Variants in IGLON5 observed in about 807,000 individuals in gnomAD.
IGLON5 encodes the protein IgLON family member 5.
A neutral mutation model predicts 38.2 loss-of-function variants in IGLON5; 16 were observed. The ratio of observed to expected loss-of-function variants is 0.42; its 90% CI spans 0.28 to 0.64. The LOEUF is 0.64. IGLON5 is among the 30% of genes least tolerant of loss of function. IGLON5 has a pLI of 0.23. For synonymous variants in IGLON5, 207 were observed against 216.4 expected (o/e 0.96, Z 0.38); for missense variants, 366 against 483.4 (o/e 0.76, Z 2.28).
chr19:51,326,790 C>T lies in IGLON5; in HGVS notation c.538C>T (p.Leu180=). 6.5e-7 allele frequency: 1 copy of T among 1,549,678 alleles called. No homozygotes were observed. The highest frequency in any genetic ancestry group is 8.7e-7 in the Non-Finnish European group (1 of 1,146,646). Residue 180 remains leucine, a synonymous_variant, in exon 5 of 8, where the codon CTG becomes TTG. Coordinates refer to ENST00000270642, the MANE Select transcript of IGLON5 (RefSeq NM_001101372.3). The part of the protein sequence containing the change: ...RDGFTSEGEI[L]EISDIQRGQA... Reference sequence around the variant, plus strand: ...CGGCTTCACCTCGGAGGGAGAGATCCTGGAGATCTCTGACATCCAGCGGGG... The same window carrying T: ...CGGCTTCACCTCGGAGGGAGAGATCTTGGAGATCTCTGACATCCAGCGGGG...
chr19:51,321,250 T>C (rs1985048706), intron 1 of IGLON5, among the ~76,000 whole-genome samples: 1 of 152,172 alleles, frequency 6.6e-6, no homozygotes, highest in Admixed American at 6.5e-5. Context: ...TGATCTTGGC[T>C]CACTGCAACC....
chr19:51,316,324 G>A (rs1159366658), intron 1 of IGLON5, among the ~76,000 whole-genome samples: 2 of 141,372 alleles, frequency 1.4e-5, no homozygotes, highest in Non-Finnish European at 3.0e-5. Flanking sequence ...CAGCCTGGGT[G>A]ACACAGTGGT....
chr19:51,324,670 G>A lies in IGLON5; in HGVS notation c.392-676G>A, dbSNP rs1189740298. Among the ~76,000 whole-genome samples, 1 of 151,960 alleles carries A rather than the reference G, an allele frequency of 6.6e-6. No homozygotes were observed. The highest frequency in any genetic ancestry group is 1.9e-4 in the East Asian group (1 of 5,142). Reference sequence around the variant, plus strand: ...TGCTGTCATATGTCAAATCCCAGACGTCGTCAATTAGAAGAGCTACTTTTA... The same window carrying A: ...TGCTGTCATATGTCAAATCCCAGACATCGTCAATTAGAAGAGCTACTTTTA... On this transcript the variant is annotated intron_variant, in intron 3 of 7. Coordinates refer to ENST00000270642, the MANE Select transcript of IGLON5 (RefSeq NM_001101372.3). The surrounding 1 kb of genome is among the most constrained non-coding windows in gnomAD (Gnocchi z 4.2).
intron 1 of IGLON5, among the ~76,000 whole-genome samples, chr19:51,315,471 G>C (rs1288853116): frequency 1.3e-5 from 2 of 152,202 alleles, no homozygotes; most frequent in Non-Finnish European, 2.9e-5. Flanking sequence ...GAACCAGGCA[G>C]TCACTGTCCT....
Position 51,324,756 on chromosome 19 carries a change from T to C in IGLON5, c.392-590T>C, listed in dbSNP as rs1394272209. ...CTGCCAGCGATACCCTGGCATCCTA[T>C]CTCGAGGGCCATCCTGCTTGGAGAA... On this transcript the variant is annotated intron_variant, in intron 3 of 7. Transcript: ENST00000270642. This position sits in a 1 kb window ranked among gnomAD's most constrained non-coding sequence, Gnocchi z 4.2. Among the ~76,000 whole-genome samples the C allele has an allele frequency of 1.3e-5, 2 of 150,864 alleles. No homozygotes were observed. The highest frequency in any genetic ancestry group is 4.9e-5 in the African/African-American group (2 of 40,982).
chr19:51,326,361 G>C (rs1985215318), intron 4 of IGLON5, among the ~76,000 whole-genome samples: 2 of 152,168 alleles, frequency 1.3e-5, no homozygotes, highest in South Asian at 4.1e-4. Context: ...TAGACCCCAT[G>C]AATCAGATCC....
chr19:51,328,165 G>A (rs1180688032), intron 7 of IGLON5, among the ~76,000 whole-genome samples: 1 of 152,188 alleles, frequency 6.6e-6, no homozygotes, highest in Admixed American at 6.5e-5. Context: ...CAATAAACAA[G>A]TGGTCATGTA....
chr19:51,325,612 C>T lies in IGLON5; in HGVS notation c.511+147C>T. ...CCACTCTGCTTCCAGTTATTTCATC[C>T]ACAGACCACAAACCCCAGACCTAAG... On this transcript the variant is annotated intron_variant, in intron 4 of 7. Transcript: ENST00000270642. The surrounding 1 kb of genome is among the most constrained non-coding windows in gnomAD (Gnocchi z 5.5). 1 of 921,796 alleles carries T rather than the reference C, an allele frequency of 1.1e-6. No homozygotes were observed. Among genetic ancestry groups the T allele is most frequent in the Non-Finnish European group, 1.6e-6 (1 of 631,636 alleles). The allele number at this position is 921,796 out of a possible 1,614,324, so 57.1% of individuals were successfully genotyped here. A position where few individuals can be genotyped will look rare whatever the true frequency, so the allele number is the denominator to read the frequency against.
chr19:51,314,670 A>C (rs1984871221), intron 1 of IGLON5, among the ~76,000 whole-genome samples: 1 of 152,228 alleles, frequency 6.6e-6, no homozygotes, highest in Non-Finnish European at 1.5e-5. Context: ...GATGCCAGAA[A>C]GACACCCCCA....
chr19:51,327,167 C>T lies in IGLON5; in HGVS notation c.734C>T (p.Pro245Leu). The T allele has an allele frequency of 6.2e-7, 1 of 1,612,476 alleles. No individual in the cohort carries two copies. The highest frequency in any genetic ancestry group is 8.5e-7 in the Non-Finnish European group (1 of 1,179,678). ...CGCTGCGAAGCCATGGCGGTTCCCC[C>T]CGCGGATTTCCAGTGGTACAAGGAT... ...LLRCEAMAVP[P>L]ADFQWYKDDR... Residue 245 changes from proline to leucine, a missense_variant, in exon 6 of 8, where the codon CCC becomes CTC. Transcript: ENST00000270642. The surrounding 1 kb of genome is among the most constrained non-coding windows in gnomAD (Gnocchi z 7.1).
chr19:51,321,423 C>A (rs1872960655), intron 1 of IGLON5, among the ~76,000 whole-genome samples: 1 of 152,158 alleles, frequency 6.6e-6, no homozygotes, highest in African/African-American at 2.4e-5. Context: ...AGGTAATCCT[C>A]CCACCTCGGC....
At chr19:51,328,280 T>A (rs2123537879) in intron 7 of IGLON5, among the ~76,000 whole-genome samples, 1 of 149,326 alleles carries the variant, frequency 6.7e-6, no homozygotes, top group East Asian at 2.0e-4. Context: ...GGCGGGCTGA[T>A]CACCTGAAGT....
At chr19:51,326,978 G>T (rs890799644) in intron 5 of IGLON5, 80 bp downstream of exon 5, 75 of 1,576,658 alleles carry the variant, frequency 4.8e-5, no homozygotes, top group Non-Finnish European at 6.3e-5. Context: ...GGAAGAGGAA[G>T]CGGGGGCGAG....
intron 4 of IGLON5, among the ~76,000 whole-genome samples, chr19:51,326,078 C>G (rs2123533670): frequency 6.6e-6 from 1 of 152,230 alleles, no homozygotes; most frequent in Non-Finnish European, 1.5e-5. Context: ...ACATCACCCA[C>G]CAGCCCTTTT....
Position 51,327,274 on chromosome 19 carries a change from G to C in IGLON5, c.767+74G>C, listed in dbSNP as rs1985241617. ...AGTCCCTTCGATTGTGAGGCAGGGG[G>C]ACGGAGCGGGGCGGGGGAAGGCAGC... is the stretch of plus-strand genomic sequence containing the variant. On this transcript the variant is annotated intron_variant, in intron 6 of 7. Coordinates refer to ENST00000270642, the MANE Select transcript of IGLON5 (RefSeq NM_001101372.3). The surrounding 1 kb of genome is among the most constrained non-coding windows in gnomAD (Gnocchi z 7.1). 6 of 1,547,262 alleles carry C rather than the reference G, an allele frequency of 3.9e-6. No individual in the cohort carries two copies. The South Asian group carries it at 5.9e-5, about 15-fold the overall frequency.
rs1985242862 is a variant in IGLON5, at chr19:51,327,320, T to C, written c.767+120T>C. On this transcript the variant is annotated intron_variant, in intron 6 of 7. Coordinates refer to ENST00000270642, the MANE Select transcript of IGLON5 (RefSeq NM_001101372.3). This position sits in a 1 kb window ranked among gnomAD's most constrained non-coding sequence, Gnocchi z 7.1. ...GCAGCAGAGCTCTGGGTCCCGAACCTGGGGCGTCCAGCTTCTAGGTGATGG... is the reference window on the plus strand; with the variant it reads ...GCAGCAGAGCTCTGGGTCCCGAACCCGGGGCGTCCAGCTTCTAGGTGATGG... The C allele has an allele frequency of 1.5e-6, 2 of 1,372,766 alleles. No homozygotes were observed. The highest frequency in any genetic ancestry group is 2.2e-5 in the Admixed American group (1 of 46,108). 85.0% of individuals were successfully genotyped at this position (1,372,766 alleles called of 1,614,324 possible).
intron 2 of IGLON5, 120 bp from the exon 3 acceptor site, chr19:51,323,542 T>C (rs536120589): frequency 1.3e-6 from 1 of 792,500 alleles, no homozygotes; most frequent in African/African-American, 1.7e-5. Context: ...AGCATCCGCC[T>C]CACAGGGCTG....
intron 7 of IGLON5, 135 bp from the exon 8 acceptor site, chr19:51,328,536 A>G: frequency 2.3e-6 from 1 of 439,046 alleles, no homozygotes; most frequent in Non-Finnish European, 4.1e-6. Flanking sequence ...ACAGAGTCAG[A>G]AAAGCAGGCA....
intron 1 of IGLON5, among the ~76,000 whole-genome samples, chr19:51,313,527 T>C (rs1241049024): frequency 6.6e-6 from 1 of 152,208 alleles, no homozygotes; most frequent in Non-Finnish European, 1.5e-5. Context: ...TTCTCTCATT[T>C]CCTTCTCTCA....
Sources: gnomAD v4.1 joint callset for allele counts (sites outside exome capture counted in the v4.1 genomes callset) on GRCh38, gnomAD v4.1.1 for gene constraint, Gnocchi (gnomAD v3.1) non-coding constraint, MANE v1.5 for transcripts, NCBI Gene and HGNC (gene_info 2026-07-23, HGNC 2026-07-21) for gene names.